Variants in PSMB1 observed in about 807,000 individuals in gnomAD.
PSMB1 encodes the protein proteasome subunit beta type-1.
Under a neutral mutation model 25.4 loss-of-function variants are expected in PSMB1, and 7 were observed. The ratio of observed to expected loss-of-function variants is 0.28; its 90% confidence interval spans 0.16 to 0.52. The LOEUF (loss-of-function observed/expected upper bound fraction) is 0.52, where lower values mean the gene tolerates loss of function less well. Ranked by LOEUF, PSMB1 falls within the 20% of genes least tolerant of loss-of-function variation. The pLI is 0.97. For synonymous variants in PSMB1, 119 were observed against 115.0 expected (o/e 1.03, Z -0.22); for missense variants, 284 against 302.2 (o/e 0.94, Z 0.45).
intron 2 of PSMB1, among the ~76,000 whole-genome samples, chr6:170,547,641 T>C (rs1487827545): frequency 1.3e-5 from 2 of 152,164 alleles, no homozygotes; most frequent in Admixed American, 6.5e-5. Context: ...ACTGACAAGA[T>C]TGGTTGACAA....
intron 1 of PSMB1, among the ~76,000 whole-genome samples, chr6:170,552,057 C>G (rs1309169776): frequency 1.3e-5 from 2 of 152,142 alleles, no homozygotes; most frequent in East Asian, 1.9e-4. Context: ...TATGAGGAAC[C>G]AATTAACATT....
intron 1 of PSMB1, among the ~76,000 whole-genome samples, chr6:170,550,688 T>C (rs1205514692): frequency 6.6e-6 from 1 of 152,112 alleles, no homozygotes; most frequent in Non-Finnish European, 1.5e-5. Flanking sequence ...AATAGTAAGG[T>C]AGCAGGGTGA....
At chr6:170,546,526 C>T (rs911297128) in intron 2 of PSMB1, among the ~76,000 whole-genome samples, 10 of 152,152 alleles carry the variant, frequency 6.6e-5, no homozygotes, top group East Asian at 1.9e-4. Context: ...AATGCAGTGG[C>T]GCAATCTTGG....
intron 4 of PSMB1, among the ~76,000 whole-genome samples, chr6:170,540,727 G>C (rs1778749337): frequency 6.6e-6 from 1 of 151,584 alleles, no homozygotes; most frequent in Non-Finnish European, 1.5e-5. Flanking sequence ...AAGTAAACAG[G>C]ATTTTTTTTA....
intron 2 of PSMB1, 38 bp from the exon 3 acceptor site, chr6:170,546,222 A>C: frequency 6.5e-7 from 1 of 1,527,404 alleles, no homozygotes; most frequent in Non-Finnish European, 9.0e-7. Context: ...AGCTGGTTAG[A>C]TAGTAGAGCA....
intron 1 of PSMB1, chr6:170,549,616 A>C (rs1778866151): frequency 6.6e-6 from 1 of 152,234 alleles, no homozygotes; most frequent in Non-Finnish European, 1.5e-5. Flanking sequence ...ATGGACAAAC[A>C]GTAAATTTTT....
chr6:170,552,056 C>A lies in PSMB1; in HGVS notation c.113+1074G>T, dbSNP rs185475098. 1.3e-3 allele frequency among the ~76,000 whole-genome samples: 199 copies of A among 152,288 alleles called. 1 individual carries two copies. Among genetic ancestry groups the A allele is most frequent in the South Asian group, 3.9e-3 (19 of 4,826 alleles). On this transcript the variant is annotated intron_variant, in intron 1 of 5. Coordinates refer to ENST00000262193, the MANE Select transcript of PSMB1 (RefSeq NM_002793.4). ...ATTTATATTTCAAATTTATGAGGAA[C>A]CAATTAACATTTTTGCTTTGTTTTT...
chr6:170,543,415 T>C (rs1778778612), intron 4 of PSMB1, among the ~76,000 whole-genome samples, 186 bp downstream of exon 4: 1 of 152,192 alleles, frequency 6.6e-6, no homozygotes, highest in African/African-American at 2.4e-5. Flanking sequence ...CATTCACTAT[T>C]AGAGCTTCAA....
chr6:170,546,129 T>A lies in PSMB1; in HGVS notation c.277A>T (p.Thr93Ser). ...SGFHGDCLTL[T>S]KIIEARLKMY... Reference sequence around the variant, plus strand: ...TTTAGTCTTGCTTCAATAATCTTTGTCAGCGTAAGACAGTCTCCATGAAAA... The same window carrying A: ...TTTAGTCTTGCTTCAATAATCTTTGACAGCGTAAGACAGTCTCCATGAAAA... The change falls in exon 3 of 6, where the codon ACA (threonine) becomes TCA (serine). Residue 93 changes from threonine to serine, a missense_variant. Transcript: ENST00000262193. 2 of 1,613,950 alleles carry A rather than the reference T, an allele frequency of 1.2e-6. No individual in the cohort carries two copies. Among genetic ancestry groups the A allele is most frequent in the Non-Finnish European group, 1.7e-6 (2 of 1,179,890 alleles).
intron 5 of PSMB1, among the ~76,000 whole-genome samples, chr6:170,535,709 G>A (rs1042850926): frequency 6.6e-6 from 1 of 152,192 alleles, no homozygotes; most frequent in Non-Finnish European, 1.5e-5. Context: ...AGAGCCAGGA[G>A]AGCCCCAACA....
At position 170,553,286 on chromosome 6, in the gene PSMB1, G is replaced by A. The variant is rs1280760060; in HGVS notation, c.-44C>T. 2 of 1,455,340 alleles carry A rather than the reference G, an allele frequency of 1.4e-6. No homozygotes were observed. The highest frequency in any genetic ancestry group is 1.9e-6 in the Non-Finnish European group (2 of 1,050,444). The allele number at this position is 1,455,340 out of a possible 1,614,324, so 90.2% of individuals were successfully genotyped here. ...GATCCGACACTTGCTGTCTCACGGC[G>A]AGATGGCTGCCTTGACCGGACGTTA... On this transcript the variant is annotated 5_prime_UTR_variant, in exon 1 of 6. Transcript: ENST00000262193.
At chr6:170,535,711 G>A (rs1284474145) in intron 5 of PSMB1, among the ~76,000 whole-genome samples, 1 of 152,156 alleles carries the variant, frequency 6.6e-6, no homozygotes, top group African/African-American at 2.4e-5. Flanking sequence ...AGCCAGGAGA[G>A]CCCCAACAGA....
Position 170,553,303 on chromosome 6 carries a change from C to A in PSMB1, c.-61G>T. The A allele has an allele frequency of 1.6e-6, 2 of 1,270,252 alleles. No homozygotes were observed. The highest frequency in any genetic ancestry group is 1.5e-5 in the African/African-American group (1 of 68,524). The allele number at this position is 1,270,252 out of a possible 1,614,324, so 78.7% of individuals were successfully genotyped here. On this transcript the variant is annotated 5_prime_UTR_variant, in exon 1 of 6. Coordinates refer to ENST00000262193, the MANE Select transcript of PSMB1 (RefSeq NM_002793.4). Reference sequence around the variant, plus strand: ...CTCACGGCGAGATGGCTGCCTTGACCGGACGTTACGCCACTTCCGGCTTCT... The same window carrying A: ...CTCACGGCGAGATGGCTGCCTTGACAGGACGTTACGCCACTTCCGGCTTCT...
At chr6:170,548,114 G>A (rs1778844519) in intron 2 of PSMB1, among the ~76,000 whole-genome samples, 1 of 152,188 alleles carries the variant, frequency 6.6e-6, no homozygotes, top group African/African-American at 2.4e-5. Context: ...CAAGTGGAGA[G>A]AAACAGAACT....
chr6:170,538,846 AC>A (rs780733790), intron 4 of PSMB1, among the ~76,000 whole-genome samples: 1 of 152,236 alleles, frequency 6.6e-6, no homozygotes, highest in Non-Finnish European at 1.5e-5. Context: ...ACCTCAATAT[AC>A]AAAAAAAGAA....
At chr6:170,548,107 G>A (rs888267915) in intron 2 of PSMB1, among the ~76,000 whole-genome samples, 2 of 152,216 alleles carry the variant, frequency 1.3e-5, no homozygotes, top group African/African-American at 4.8e-5. Flanking sequence ...AAAGATGCAA[G>A]TGGAGAGAAA....
rs757667726 is a variant in PSMB1, at chr6:170,535,205, A to T, written c.*15T>A. The T allele has an allele frequency of 1.2e-6, 2 of 1,611,672 alleles. No homozygotes were observed. Among genetic ancestry groups the T allele is most frequent in the Admixed American group, 1.7e-5 (1 of 59,940 alleles). ...TCAACCAGGTCTGAACTGATTGGTG[A>T]TAAGAGCACACAGATCAGTCCTTCC... is the stretch of plus-strand genomic sequence containing the variant. On this transcript the variant is annotated 3_prime_UTR_variant, in exon 6 of 6. Transcript: ENST00000262193.
At position 170,535,496 on chromosome 6, in the gene PSMB1, G is replaced by A. The variant is rs1008393743; in HGVS notation, c.541-91C>T. 17 of 1,114,718 alleles carry A rather than the reference G, an allele frequency of 1.5e-5. No homozygotes were observed. The South Asian group carries it at 2.3e-4, about 15-fold the overall frequency. 69.1% of individuals were successfully genotyped at this position (1,114,718 alleles called of 1,614,324 possible). A position where few individuals can be genotyped will look rare whatever the true frequency, so the allele number is the denominator to read the frequency against. ...TCTTCCAATACCCTCATGTGTACGA[G>A]GATTTGTGATGAAAATACTACACAA... On this transcript the variant is annotated intron_variant, in intron 5 of 5. Coordinates refer to ENST00000262193, the MANE Select transcript of PSMB1 (RefSeq NM_002793.4).
chr6:170,552,394 A>G (rs1290377621), intron 1 of PSMB1, among the ~76,000 whole-genome samples: 1 of 152,244 alleles, frequency 6.6e-6, no homozygotes, highest in Non-Finnish European at 1.5e-5. Context: ...ACGGAAAATT[A>G]TACTACTCAA....
Sources: gnomAD v4.1 joint callset for allele counts (sites outside exome capture counted in the v4.1 genomes callset) on GRCh38, gnomAD v4.1.1 for gene constraint, MANE v1.5 for transcripts, NCBI Gene and HGNC (gene_info 2026-07-23, HGNC 2026-07-21) for gene names.